The following OPCML variants were observed in gnomAD, a reference collection of about 807,000 sequenced individuals.
The protein encoded by OPCML is opioid-binding protein/cell adhesion molecule.
A neutral mutation model predicts 37.8 loss-of-function variants in OPCML; 13 were observed. The observed-to-expected ratio is 0.34, with a 90% CI of 0.22 to 0.55. The LOEUF (loss-of-function observed/expected upper bound fraction) is 0.55. Ranked by LOEUF, OPCML falls within the 20% of genes least tolerant of loss-of-function variation. OPCML has a pLI of 0.91. For synonymous variants in OPCML, 176 were observed against 168.8 expected, an observed-to-expected ratio of 1.04 and a Z score of -0.33; for missense variants, 341 against 435.6, an observed-to-expected ratio of 0.78 and a Z score of 1.93.
chr11:132,851,022 G>A (rs1191567095), intron 2 of OPCML, among the ~76,000 whole-genome samples: 1 of 152,170 alleles, frequency 6.6e-6, no homozygotes, highest in Admixed American at 6.5e-5. Flanking sequence ...ACTTCAATGG[G>A]GAGGAAAATT....
At chr11:133,071,731 A>G (rs1948540269) in intron 1 of OPCML, among the ~76,000 whole-genome samples, 1 of 152,202 alleles carries the variant, frequency 6.6e-6, no homozygotes, top group Non-Finnish European at 1.5e-5. Flanking sequence ...AGGCCCTTTT[A>G]TAGTTTAGCT....
chr11:132,593,437 T>C (rs1332055903), intron 3 of OPCML, among the ~76,000 whole-genome samples: 5 of 152,214 alleles, frequency 3.3e-5, no homozygotes, highest in African/African-American at 1.2e-4. Context: ...GTCCATTGTA[T>C]TCCAAACACA....
intron 1 of OPCML, among the ~76,000 whole-genome samples, chr11:133,228,786 G>C (rs575722267): frequency 4.7e-4 from 72 of 152,380 alleles, no homozygotes; most frequent in Admixed American, 1.0e-3. Context: ...CGCGGAGGCT[G>C]TTTAAACCTG....
chr11:132,826,330 A>G (rs1236897072), intron 2 of OPCML, among the ~76,000 whole-genome samples: 1 of 152,220 alleles, frequency 6.6e-6, no homozygotes, highest in Non-Finnish European at 1.5e-5. Flanking sequence ...TTATTTCCAA[A>G]TACATTTCAC....
intron 2 of OPCML, among the ~76,000 whole-genome samples, chr11:132,738,986 A>G (rs1945350260): frequency 6.6e-6 from 1 of 152,144 alleles, no homozygotes; most frequent in Non-Finnish European, 1.5e-5. Flanking sequence ...ATGGAAAAAA[A>G]AGCCTCCCAC....
intron 1 of OPCML, among the ~76,000 whole-genome samples, chr11:133,324,091 G>A (rs1375665993): frequency 2.0e-5 from 3 of 152,060 alleles, no homozygotes; most frequent in Non-Finnish European, 4.4e-5. Flanking sequence ...GTTGGCAGCC[G>A]GCTCCAGCCA....
chr11:132,928,180 C>G (rs1394823004), intron 2 of OPCML, among the ~76,000 whole-genome samples: 2 of 151,968 alleles, frequency 1.3e-5, no homozygotes, highest in African/African-American at 4.8e-5. Context: ...TCTAAAAACA[C>G]AGATTGGCAG....
At chr11:132,812,089 C>A (rs1939379782) in intron 2 of OPCML, among the ~76,000 whole-genome samples, 1 of 152,146 alleles carries the variant, frequency 6.6e-6, no homozygotes. Context: ...TAACTGTGCA[C>A]CAGCTTCTTC....
At chr11:132,534,754 G>T (rs1334472803) in intron 3 of OPCML, among the ~76,000 whole-genome samples, 2 of 152,124 alleles carry the variant, frequency 1.3e-5, no homozygotes. Context: ...TGAAAAACTT[G>T]TCTCTTCAGG....
At chr11:133,046,752 C>A (rs1341172518) in intron 1 of OPCML, among the ~76,000 whole-genome samples, 1 of 152,074 alleles carries the variant, frequency 6.6e-6, no homozygotes, top group Non-Finnish European at 1.5e-5. Context: ...CATTTTAATG[C>A]CACAAAAGGA....
At chr11:133,235,647 T>C (rs1940478496) in intron 1 of OPCML, among the ~76,000 whole-genome samples, 1 of 152,188 alleles carries the variant, frequency 6.6e-6, no homozygotes, top group African/African-American at 2.4e-5. Flanking sequence ...GTTAGGAAAC[T>C]GAACGCTGGC....
chr11:132,807,682 A>G (rs1438426804), intron 2 of OPCML, among the ~76,000 whole-genome samples: 1 of 152,194 alleles, frequency 6.6e-6, no homozygotes, highest in Non-Finnish European at 1.5e-5. Flanking sequence ...AGGGAAATCA[A>G]GGAATCATAG....
chr11:133,530,338 C>G (rs1015874586), intron 1 of OPCML, among the ~76,000 whole-genome samples: 2 of 152,262 alleles, frequency 1.3e-5, no homozygotes, highest in South Asian at 2.1e-4. Flanking sequence ...GCTCACCCCC[C>G]GCCTTGCTTT....
At chr11:133,040,763 C>T in intron 1 of OPCML, among the ~76,000 whole-genome samples, 1 of 151,972 alleles carries the variant, frequency 6.6e-6, no homozygotes, top group South Asian at 2.1e-4. Context: ...TCTGTGGGAG[C>T]TCAGTAAGTG....
intron 2 of OPCML, among the ~76,000 whole-genome samples, chr11:132,708,816 T>C (rs1408101641): frequency 1.3e-5 from 2 of 152,184 alleles, no homozygotes; most frequent in African/African-American, 2.4e-5. Flanking sequence ...TCTTTACACA[T>C]ACATTATGGC....
At chr11:132,821,257 CT>C (rs1202390561) in intron 2 of OPCML, among the ~76,000 whole-genome samples, 1 of 152,192 alleles carries the variant, frequency 6.6e-6, no homozygotes, top group Non-Finnish European at 1.5e-5. Flanking sequence ...CCCTGGGGCC[CT>C]TCCTCTCTCA....
chr11:133,228,517 C>T (rs1002019811), intron 1 of OPCML, among the ~76,000 whole-genome samples: 2 of 152,222 alleles, frequency 1.3e-5, no homozygotes, highest in African/African-American at 4.8e-5. Context: ...CCTTCGCGGG[C>T]CAGCCACAAG....
rs184215711 is a variant in OPCML, at chr11:133,128,906, C to T, written c.62-185896G>A. 1.1e-3 allele frequency among the ~76,000 whole-genome samples: 166 copies of T among 152,252 alleles called. 2 individuals carry two copies. The highest frequency in any genetic ancestry group is 2.0e-3 in the Non-Finnish European group (135 of 68,004). ...TCTGCTTCTGGCCAAAGTGCAGTAA[C>T]AGGGACCAGTTTTGCCCTCCTACCT... On this transcript the variant is annotated intron_variant, in intron 1 of 7. Coordinates refer to ENST00000524381, the MANE Select transcript of OPCML (RefSeq NM_001012393.5).
At chr11:133,114,838 A>G (rs1303028071) in intron 1 of OPCML, among the ~76,000 whole-genome samples, 2 of 152,188 alleles carry the variant, frequency 1.3e-5, no homozygotes, top group Non-Finnish European at 2.9e-5. Context: ...AGAGAGTGGT[A>G]GTTTGAGTAA....
Sources: gnomAD v4.1 joint callset for allele counts (sites outside exome capture counted in the v4.1 genomes callset) on GRCh38, gnomAD v4.1.1 for gene constraint, MANE v1.5 for transcripts, NCBI Gene and HGNC (gene_info 2026-07-23, HGNC 2026-07-21) for gene names.